TLE1: variants seen among roughly 807,000 people sequenced by gnomAD.
The protein encoded by TLE1 is TLE family member 1, transcriptional corepressor, also known as transducin-like enhancer protein 1.
Under a neutral mutation model 89.8 loss-of-function variants are expected in TLE1, and 21 were observed. That is an observed-to-expected ratio of 0.23 (90% CI 0.17 to 0.34). The LOEUF (loss-of-function observed/expected upper bound fraction) is 0.34. Among genes scored for constraint, TLE1 ranks in the 10% least tolerant of loss-of-function variants. The pLI, the probability that TLE1 is intolerant of heterozygous loss-of-function variation, is 1.00. For missense variants in TLE1, 795 were observed against 1,031.2 expected (o/e 0.77, Z 3.14); for synonymous variants, 447 against 407.6 (o/e 1.10, Z -1.16).
Position 81,688,934 on chromosome 9 carries a change from G to C in TLE1, c.-694C>G, listed in dbSNP as rs1834706746. ...AGTGCGGAGGGCGCGCCGGGAGGCGGCTCGGCACGCCCCGTGCGACCAGCA... is the reference window on the plus strand; with the variant it reads ...AGTGCGGAGGGCGCGCCGGGAGGCGCCTCGGCACGCCCCGTGCGACCAGCA... On this transcript the variant is annotated 5_prime_UTR_variant, in exon 1 of 20. Transcript: ENST00000376499. The C allele has an allele frequency of 6.6e-6, 1 of 152,434 alleles. No individual in the cohort carries two copies. The highest frequency in any genetic ancestry group is 1.5e-5 in the Non-Finnish European group (1 of 68,262). The allele number at this position is 152,434 out of a possible 1,614,324, so 9.4% of individuals were successfully genotyped here.
rs577389137 is a variant in TLE1 at position 81,654,674 on chromosome 9, A to C, written c.235-638T>G. On this transcript the variant is annotated intron_variant, in intron 4 of 19. Transcript: ENST00000376499. ...TTTTTCAATGATGGCACACCATGAC[A>C]CATTTATGTCATTATTGCAAGTTCA... Among the ~76,000 whole-genome samples, 3 of 152,234 alleles carry C rather than the reference A, an allele frequency of 2.0e-5. No homozygotes were observed. In the East Asian group the frequency reaches 5.8e-4, roughly 29 times the overall value.
chr9:81,647,174 T>C (rs571556195), intron 6 of TLE1, among the ~76,000 whole-genome samples: 3 of 152,278 alleles, frequency 2.0e-5, no homozygotes, highest in East Asian at 3.9e-4. Context: ...AATAGAAACC[T>C]GGCATTTTGT....
chr9:81,674,771 G>A (rs905382015), intron 4 of TLE1, among the ~76,000 whole-genome samples: 1 of 152,154 alleles, frequency 6.6e-6, no homozygotes, highest in African/African-American at 2.4e-5. Context: ...ACCGTGTAAT[G>A]GTGGATCACC....
chr9:81,586,590 T>C (rs576192907), intron 17 of TLE1, among the ~76,000 whole-genome samples: 2 of 152,234 alleles, frequency 1.3e-5, no homozygotes, highest in Non-Finnish European at 2.9e-5. Context: ...GCTGTGCTTA[T>C]GGATACAATG....
chr9:81,676,650 A>G (rs1350092212), intron 4 of TLE1, among the ~76,000 whole-genome samples: 1 of 152,206 alleles, frequency 6.6e-6, no homozygotes, highest in Admixed American at 6.5e-5. Context: ...TGAGGGACAA[A>G]GAGGTCATCA....
At chr9:81,645,061 A>T (rs1828673748) in intron 6 of TLE1, among the ~76,000 whole-genome samples, 1 of 150,380 alleles carries the variant, frequency 6.6e-6, no homozygotes, top group Admixed American at 6.6e-5. Flanking sequence ...TCTCAATTTT[A>T]AAAATAACAC....
chr9:81,681,327 A>C (rs1044765349), intron 4 of TLE1, among the ~76,000 whole-genome samples: 25 of 151,816 alleles, frequency 1.6e-4, no homozygotes, highest in African/African-American at 6.1e-4. Context: ...AGGCGGGGGG[A>C]ATCACTTGAG....
At chr9:81,656,621 G>A (rs1478248133) in intron 4 of TLE1, among the ~76,000 whole-genome samples, 1 of 152,194 alleles carries the variant, frequency 6.6e-6, no homozygotes, top group Non-Finnish European at 1.5e-5. Flanking sequence ...AGCCCAGAGT[G>A]AGAGACACAT....
chr9:81,687,751 C>T (rs1025337362), intron 1 of TLE1, among the ~76,000 whole-genome samples: 9 of 152,040 alleles, frequency 5.9e-5, no homozygotes, highest in African/African-American at 2.2e-4. Flanking sequence ...TCGGTGTCGC[C>T]GCCCCTTCCC....
chr9:81,687,587 G>A (rs1403779283), intron 1 of TLE1, among the ~76,000 whole-genome samples, 153 bp from the exon 2 acceptor site: 1 of 152,164 alleles, frequency 6.6e-6, no homozygotes, highest in African/African-American at 2.4e-5. Flanking sequence ...CTTCACTATG[G>A]GGAGGGGGAA....
intron 6 of TLE1, among the ~76,000 whole-genome samples, chr9:81,641,571 A>T (rs937261243): frequency 1.2e-4 from 19 of 152,360 alleles, no homozygotes; most frequent in Admixed American, 1.1e-3. Flanking sequence ...AAAACTCAAT[A>T]GTACAAAAAT....
chr9:81,632,870 G>C (rs943108387), intron 8 of TLE1, among the ~76,000 whole-genome samples: 1 of 152,202 alleles, frequency 6.6e-6, no homozygotes, highest in South Asian at 2.1e-4. Flanking sequence ...CAACCAAGAT[G>C]CATTCACAGA....
At chr9:81,655,036 G>A (rs568239976) in intron 4 of TLE1, among the ~76,000 whole-genome samples, 1 of 152,196 alleles carries the variant, frequency 6.6e-6, no homozygotes, top group East Asian at 1.9e-4. Context: ...CATAATAAAA[G>A]GTGTCCTTAG....
chr9:81,679,313 C>CT (rs1348277053), intron 4 of TLE1, among the ~76,000 whole-genome samples: 2 of 145,720 alleles, frequency 1.4e-5, no homozygotes, highest in African/African-American at 5.1e-5. Flanking sequence ...ACTTTTTTTT[C>CT]TTTTTTTTTC....
intron 14 of TLE1, among the ~76,000 whole-genome samples, chr9:81,609,452 A>G (rs1045418270): frequency 6.6e-6 from 1 of 152,218 alleles, no homozygotes; most frequent in Non-Finnish European, 1.5e-5. Flanking sequence ...TCACATTTCA[A>G]TTCTGCTGTT....
chr9:81,642,130 T>C (rs1828208963), intron 6 of TLE1, among the ~76,000 whole-genome samples: 1 of 152,166 alleles, frequency 6.6e-6, no homozygotes, highest in Admixed American at 6.5e-5. Context: ...AGGAAACCTT[T>C]GTACACTGTT....
intron 14 of TLE1, among the ~76,000 whole-genome samples, chr9:81,596,801 G>A (rs1330821851): frequency 6.6e-6 from 1 of 152,176 alleles, no homozygotes; most frequent in African/African-American, 2.4e-5. Flanking sequence ...AGGGGTTTCT[G>A]GGCAATGATC....
In TLE1 at chr9:81,611,927, C is replaced by T. The variant is rs968793259; in HGVS notation, c.1096G>A (p.Gly366Ser). ...AGLRTPLAVP[G>S]PYPAPFGMVP... ...ATCCCAAAAGGAGCAGGATATGGGCCGGGCACTGCCAGGGGTGTCCTCAAG... is the reference window on the plus strand; with the variant it reads ...ATCCCAAAAGGAGCAGGATATGGGCTGGGCACTGCCAGGGGTGTCCTCAAG... Residue 366 changes from glycine (G) to serine (S), a missense_variant, in exon 13 of 20, where the codon GGC becomes AGC. Coordinates refer to ENST00000376499, the MANE Select transcript of TLE1 (RefSeq NM_005077.5). 15 of 1,492,868 alleles carry T rather than the reference C, an allele frequency of 1.0e-5. No individual in the cohort carries two copies. The highest frequency in any genetic ancestry group is 2.9e-5 in the African/African-American group (2 of 68,282). 92.5% of individuals were successfully genotyped at this position (1,492,868 alleles called of 1,614,324 possible). A position where few individuals can be genotyped will look rare whatever the true frequency, so the allele number is the denominator to read the frequency against.
chr9:81,592,903 A>G, intron 15 of TLE1, 122 bp downstream of exon 15: 1 of 1,381,310 alleles, frequency 7.2e-7, no homozygotes, highest in Non-Finnish European at 9.7e-7. Context: ...AATAACCAAC[A>G]CAGGAAACAG....
Sources: allele counts gnomAD v4.1 joint callset (sites outside exome capture counted in the v4.1 genomes callset), GRCh38; gene constraint gnomAD v4.1.1; transcripts MANE v1.5; gene names NCBI Gene and HGNC (gene_info 2026-07-23, HGNC 2026-07-21).